Variants in BPIFB2 observed in about 807,000 individuals in gnomAD.
BPIFB2 encodes the protein BPI fold-containing family B member 2.
BPIFB2 carries 39 observed loss-of-function variants against 50.1 expected under a neutral mutation model. The ratio of observed to expected loss-of-function variants is 0.78; its 90% CI spans 0.60 to 1.02. The LOEUF (loss-of-function observed/expected upper bound fraction) is 1.02. BPIFB2 is among the 50% of genes least tolerant of loss of function. The probability of loss-of-function intolerance (pLI) is 0.00; values close to 1 mark genes in which losing one functional copy is unlikely to be tolerated. For missense variants in BPIFB2, 574 were observed against 585.8 expected (o/e 0.98, Z 0.21); for synonymous variants, 280 against 256.3 (o/e 1.09, Z -0.88).
At chr20:33,019,779 A>C in intron 11 of BPIFB2, 29 bp downstream of exon 11, 1 of 1,556,990 alleles carries the variant, frequency 6.4e-7, no homozygotes, top group Non-Finnish European at 8.7e-7. Context: ...GTCGGAAGGC[A>C]GGCAACTGTC....
At position 33,016,401 on chromosome 20, in the gene BPIFB2, G is replaced by A. The variant is rs372809717; in HGVS notation, c.517-641G>A. Among the ~76,000 whole-genome samples, 294 of 152,238 alleles carry A rather than the reference G, an allele frequency of 1.9e-3. 1 individual carries two copies. Among genetic ancestry groups the A allele is most frequent in the African/African-American group, 6.8e-3 (284 of 41,520 alleles). ...CTCATAGCCAGCCTCTTCTGGGCAAGGGGCTTCAGGCAGCACTGCAGGAAG... is the reference window on the plus strand; with the variant it reads ...CTCATAGCCAGCCTCTTCTGGGCAAAGGGCTTCAGGCAGCACTGCAGGAAG... On this transcript the variant is annotated intron_variant, in intron 6 of 15. Transcript: ENST00000170150.
rs199821444 is a variant in BPIFB2, at chr20:33,023,385, G to A, written c.*2G>A. ...AGTGGACTCTTCTACCAGAGCTGAGGCAAGACCACTGGGAGGCCTGAGAGT... is the reference window on the plus strand; with the variant it reads ...AGTGGACTCTTCTACCAGAGCTGAGACAAGACCACTGGGAGGCCTGAGAGT... On this transcript the variant is annotated 3_prime_UTR_variant, in exon 16 of 16. Transcript: ENST00000170150. The A allele has an allele frequency of 5.9e-5, 96 of 1,613,894 alleles. No homozygotes were observed. Among genetic ancestry groups the A allele is most frequent in the Non-Finnish European group, 8.1e-5 (95 of 1,179,848 alleles).
chr20:33,019,702 G>A lies in BPIFB2; in HGVS notation c.1032G>A (p.Leu344=). The A allele has an allele frequency of 1.2e-6, 2 of 1,611,780 alleles. No individual in the cohort carries two copies. The highest frequency in any genetic ancestry group is 1.7e-6 in the Non-Finnish European group (2 of 1,178,992). ...TLRLQPFVEV[L]ATASNSAFQS... is the part of the protein sequence containing the mutation. ...GGCTGCAGCCCTTCGTGGAGGTCCT[G>A]GCCACAGCCTCCAACTCGGCTTTCC... The change falls in exon 11 of 16, where the codon CTG becomes CTA. Residue 344 remains leucine (L), a synonymous_variant. Transcript: ENST00000170150.
intron 5 of BPIFB2, among the ~76,000 whole-genome samples, chr20:33,014,840 A>T (rs1331623150): frequency 6.6e-6 from 1 of 152,194 alleles, no homozygotes; most frequent in Non-Finnish European, 1.5e-5. Context: ...CAGCTTATTG[A>T]AGGGGAAATG....
At chr20:33,016,047 G>T (rs893618871) in intron 6 of BPIFB2, among the ~76,000 whole-genome samples, 2 of 152,124 alleles carry the variant, frequency 1.3e-5, no homozygotes, top group African/African-American at 2.4e-5. Context: ...TCTTGTCATT[G>T]TCTGCGTGGA....
intron 13 of BPIFB2, 84 bp from the exon 14 acceptor site, chr20:33,021,197 G>C: frequency 7.1e-7 from 1 of 1,413,954 alleles, no homozygotes; most frequent in Non-Finnish European, 9.9e-7. Flanking sequence ...CTGTCTCTGT[G>C]TATATTTATG....
intron 15 of BPIFB2, 25 bp from the exon 16 acceptor site, chr20:33,023,317 G>A (rs1211234657): frequency 6.2e-7 from 1 of 1,612,496 alleles, no homozygotes; most frequent in Admixed American, 1.7e-5. Context: ...CTCTGACCTG[G>A]TCCATGGTTT....
rs768870228 is a variant in BPIFB2, at chr20:33,023,343, G to C, written c.1337G>C (p.Gly446Ala). Residue 446 changes from glycine to alanine, a missense_variant and splice_region_variant, in exon 16 of 16, where the codon GGC becomes GCC. Coordinates refer to ENST00000170150, the MANE Select transcript of BPIFB2 (RefSeq NM_025227.3). ...YVAPEIFVYE[G>A]YVVISSGLFY... ...TCCATGGTTTCCTTTGCCCTTCAGG[G>C]CTACGTGGTGATATCCAGTGGACTC... is the stretch of plus-strand genomic sequence containing the variant. 6.2e-7 allele frequency: 1 copy of C among 1,613,840 alleles called. No individual in the cohort carries two copies. The highest frequency in any genetic ancestry group is 1.1e-5 in the South Asian group (1 of 91,076).
Position 33,008,537 on chromosome 20 carries a change from C to G in BPIFB2, c.-34-4C>G. 3 of 1,521,738 alleles carry G rather than the reference C, an allele frequency of 2.0e-6. No individual in the cohort carries two copies. In the South Asian group the frequency reaches 3.7e-5, roughly 19 times the overall value. 94.3% of individuals were successfully genotyped at this position (1,521,738 alleles called of 1,614,324 possible). A position where few individuals can be genotyped will look rare whatever the true frequency, so the allele number is the denominator to read the frequency against. ...GAGCTCCCTGATGCTCATTTCTACC[C>G]CAGCCCACAGATCCTGTGGGCAGCG... On this transcript the variant is annotated splice_region_variant and splice_polypyrimidine_tract_variant and intron_variant, in intron 1 of 15. Coordinates refer to ENST00000170150, the MANE Select transcript of BPIFB2 (RefSeq NM_025227.3).
At chr20:33,019,169 G>C in intron 10 of BPIFB2, 54 bp downstream of exon 10, 1 of 1,602,094 alleles carries the variant, frequency 6.2e-7, no homozygotes, top group South Asian at 1.1e-5. Context: ...TGGGGTGGGG[G>C]TTCTCTGGGT....
chr20:33,023,571 C>T lies in BPIFB2; in HGVS notation c.*188C>T. ...CTCCCTCACTTCTGCCCTTTCCCTT[C>T]CTCCTCCTCTTCTCCTCCCTCTTCC... On this transcript the variant is annotated 3_prime_UTR_variant, in exon 16 of 16. Transcript: ENST00000170150. 3.0e-6 allele frequency: 2 copies of T among 665,710 alleles called. No homozygotes were observed. Among genetic ancestry groups the T allele is most frequent in the Non-Finnish European group, 5.3e-6 (2 of 375,618 alleles). 41.2% of individuals were successfully genotyped at this position (665,710 alleles called of 1,614,324 possible).
chr20:33,021,512 TAGCAGCTGTGTGATCTTCACCA>T lies in BPIFB2; in HGVS notation c.1259-186_1259-165del, dbSNP rs1339794922. Among the ~76,000 whole-genome samples, 8 of 152,244 alleles carry T rather than the reference TAGCAGCTGTGTGATCTTCACCA, an allele frequency of 5.3e-5. No homozygotes were observed. In the East Asian group the frequency reaches 5.8e-4, roughly 11 times the overall value. ...GCATGCCCCTTGGCACATATCTGTG[TAGCAGCTGTGTGATCTTCACCA>T]AGCAGCTGTGTGATCTTCACCAAGT... is the stretch of plus-strand genomic sequence containing the variant. On this transcript the variant is annotated intron_variant, in intron 14 of 15. Coordinates refer to ENST00000170150, the MANE Select transcript of BPIFB2 (RefSeq NM_025227.3).
chr20:33,020,595 T>C lies in BPIFB2; in HGVS notation c.1194+8T>C, dbSNP rs1277623359. 1 of 1,600,646 alleles carries C rather than the reference T, an allele frequency of 6.2e-7. No homozygotes were observed. Among genetic ancestry groups the C allele is most frequent in the Admixed American group, 1.7e-5 (1 of 58,600 alleles). ...AACGTGGGCTTCATTGATGTGAGTG[T>C]GGGGCTGGGGCCTCTAGAAACCCCC... On this transcript the variant is annotated splice_region_variant and intron_variant, in intron 13 of 15. Coordinates refer to ENST00000170150, the MANE Select transcript of BPIFB2 (RefSeq NM_025227.3).
chr20:33,019,010 C>T, intron 9 of BPIFB2, 52 bp from the exon 10 acceptor site: 1 of 1,611,602 alleles, frequency 6.2e-7, no homozygotes, highest in Non-Finnish European at 8.5e-7. Context: ...GGTGATCTGT[C>T]TTGGGGAGCA....
At chr20:33,010,461 T>C (rs561963337) in intron 2 of BPIFB2, among the ~76,000 whole-genome samples, 40 of 152,214 alleles carry the variant, frequency 2.6e-4, no homozygotes, top group Admixed American at 1.1e-3. Context: ...CAGATACCAT[T>C]AGAATCATTG....
Position 33,009,285 on chromosome 20 carries a change from C to T in BPIFB2, c.109+602C>T, listed in dbSNP as rs760774382. Among the ~76,000 whole-genome samples, 16 of 152,200 alleles carry T rather than the reference C, an allele frequency of 1.1e-4. No homozygotes were observed. The highest frequency in any genetic ancestry group is 2.2e-4 in the Non-Finnish European group (15 of 68,026). ...CTGTCTTACGGCTGTGCTGCTAGAT[C>T]CTTCCAAGTCTTGCCCCAATCCCCT... On this transcript the variant is annotated intron_variant, in intron 2 of 15. Coordinates refer to ENST00000170150, the MANE Select transcript of BPIFB2 (RefSeq NM_025227.3). The surrounding 1 kb of genome is among the most constrained non-coding windows in gnomAD (Gnocchi z 4.2).
rs752863141 is a variant in BPIFB2 at position 33,008,699 on chromosome 20, C to T, written c.109+16C>T. ...TTGAGCTACGGTAAGCGGTGTGTTA[C>T]CCAGTGAGTGTCTGTGAGCCTGTAC... On this transcript the variant is annotated intron_variant, in intron 2 of 15. Transcript: ENST00000170150. 8.3e-6 allele frequency: 13 copies of T among 1,575,708 alleles called. No individual in the cohort carries two copies. The Admixed American group carries it at 1.1e-4, about 13-fold the overall frequency.
rs1990262149 is a variant in BPIFB2 at position 33,009,830 on chromosome 20, G to C, written c.109+1147G>C. 6.6e-6 allele frequency among the ~76,000 whole-genome samples: 1 copy of C among 152,226 alleles called. No individual in the cohort carries two copies. Among genetic ancestry groups the C allele is most frequent in the Non-Finnish European group, 1.5e-5 (1 of 68,032 alleles). ...GAAATCTGGCTGGAGGCCCACGCTGGACGCATTGCTCCCCAGGCTGGGCTG... is the reference window on the plus strand; with the variant it reads ...GAAATCTGGCTGGAGGCCCACGCTGCACGCATTGCTCCCCAGGCTGGGCTG... On this transcript the variant is annotated intron_variant, in intron 2 of 15. Coordinates refer to ENST00000170150, the MANE Select transcript of BPIFB2 (RefSeq NM_025227.3). The surrounding 1 kb of genome is among the most constrained non-coding windows in gnomAD (Gnocchi z 4.2).
Position 33,023,593 on chromosome 20 carries a change from T to C in BPIFB2, c.*210T>C. ...CTTCCTCCTCCTCTTCTCCTCCCTC[T>C]TCCCTCATCTCCCCCCTCCTTCCTC... On this transcript the variant is annotated 3_prime_UTR_variant, in exon 16 of 16. Coordinates refer to ENST00000170150, the MANE Select transcript of BPIFB2 (RefSeq NM_025227.3). The C allele has an allele frequency of 1.6e-6, 1 of 616,632 alleles. No homozygotes were observed. 38.2% of individuals were successfully genotyped at this position (616,632 alleles called of 1,614,324 possible).
Sources: gnomAD v4.1 joint callset for allele counts (sites outside exome capture counted in the v4.1 genomes callset) on GRCh38, gnomAD v4.1.1 for gene constraint, Gnocchi (gnomAD v3.1) non-coding constraint, MANE v1.5 for transcripts, NCBI Gene and HGNC (gene_info 2026-07-23, HGNC 2026-07-21) for gene names.